The following RAB43 variants were observed in gnomAD, a reference collection of about 807,000 sequenced individuals.
RAB43 encodes the protein ras-related protein Rab-43.
A neutral mutation model predicts 18.8 loss-of-function variants in RAB43; 6 were observed. The ratio of observed to expected loss-of-function variants is 0.32; its 90% CI spans 0.17 to 0.63. The LOEUF is 0.63. Among genes scored for constraint, RAB43 ranks in the 30% least tolerant of loss-of-function variants. The pLI is 0.79. For missense variants in RAB43, 195 were observed against 289.1 expected (o/e 0.67, Z 2.36); for synonymous variants, 103 against 124.1 (o/e 0.83, Z 1.13).
Position 129,095,316 on chromosome 3 carries a change from AC to A in RAB43, c.205-148del, listed in dbSNP as rs1342271879. The A allele has an allele frequency of 8.4e-7, 1 of 1,193,196 alleles. No individual in the cohort carries two copies. Among genetic ancestry groups the A allele is most frequent in the East Asian group, 2.6e-5 (1 of 38,704 alleles). The allele number at this position is 1,193,196 out of a possible 1,614,324, so 73.9% of individuals were successfully genotyped here. A position where few individuals can be genotyped will look rare whatever the true frequency, so the allele number is the denominator to read the frequency against. ...CCTTAGAAAGCAACTCAATGGCTCA[AC>A]CTTGTTGGAAAAATGGGGAAGCAAA... On this transcript the variant is annotated intron_variant, in intron 1 of 2. Transcript: ENST00000315150. This position sits in a 1 kb window ranked among gnomAD's most constrained non-coding sequence, Gnocchi z 4.2.
In RAB43 at chr3:129,114,930, C is replaced by T. The variant is rs1328574048; in HGVS notation, c.204+6356G>A. Among the ~76,000 whole-genome samples the T allele has an allele frequency of 4.6e-5, 7 of 152,200 alleles. No individual in the cohort carries two copies. The East Asian group carries it at 7.7e-4, about 17-fold the overall frequency. ...ACAGGTCAATGAAGTGACTTGTTTA[C>T]GGTCAGCTGGGCAACTAGGCTGAGA... On this transcript the variant is annotated intron_variant, in intron 1 of 2. Coordinates refer to ENST00000315150, the MANE Select transcript of RAB43 (RefSeq NM_198490.3).
chr3:129,092,405 A>C, intron 2 of RAB43: 1 of 620,792 alleles, frequency 1.6e-6, no homozygotes, highest in Non-Finnish European at 2.9e-6. Flanking sequence ...TACAGATGAG[A>C]GGAGGTTGGA....
At chr3:129,114,657 C>T (rs887585885) in intron 1 of RAB43, among the ~76,000 whole-genome samples, 1 of 152,158 alleles carries the variant, frequency 6.6e-6, no homozygotes, top group African/African-American at 2.4e-5. Flanking sequence ...CCGAGCACTA[C>T]ACAAAGGCCA....
rs1053039595 is a variant in RAB43 at position 129,095,481 on chromosome 3, C to G, written c.205-312G>C. Among the ~76,000 whole-genome samples, 1 of 152,182 alleles carries G rather than the reference C, an allele frequency of 6.6e-6. No individual in the cohort carries two copies. The highest frequency in any genetic ancestry group is 2.4e-5 in the African/African-American group (1 of 41,440). On this transcript the variant is annotated intron_variant, in intron 1 of 2. Coordinates refer to ENST00000315150, the MANE Select transcript of RAB43 (RefSeq NM_198490.3). The surrounding 1 kb of genome is among the most constrained non-coding windows in gnomAD (Gnocchi z 4.2). The stretch of plus-strand genomic sequence containing the variant: ...CCCCTCAGGACTGGGCCCACTGCTG[C>G]GAAAACAGAACCACCAGTGCTCAAG...
At chr3:129,091,423 C>T in intron 2 of RAB43, 77 bp from the exon 3 acceptor site, 1 of 1,497,736 alleles carries the variant, frequency 6.7e-7, no homozygotes, top group Non-Finnish European at 9.0e-7. Context: ...GTCACGCTGA[C>T]AGCCCCATGC....
chr3:129,092,262 A>T (rs1933715750), intron 2 of RAB43, among the ~76,000 whole-genome samples: 5 of 152,188 alleles, frequency 3.3e-5, no homozygotes, highest in Admixed American at 3.3e-4. Flanking sequence ...AAATGTCAGT[A>T]TTTTTAGATG....
At chr3:129,112,298 A>C (rs1307079936) in intron 1 of RAB43, among the ~76,000 whole-genome samples, 11 of 152,154 alleles carry the variant, frequency 7.2e-5, no homozygotes. Context: ...AAAAACCCCC[A>C]AAATCAAAGT....
intron 1 of RAB43, among the ~76,000 whole-genome samples, chr3:129,111,214 T>C (rs191706500): frequency 6.6e-6 from 1 of 151,868 alleles, no homozygotes; most frequent in Non-Finnish European, 1.5e-5. Flanking sequence ...GAGCTTCTAG[T>C]AGAGCTTCAA....
At chr3:129,118,107 G>A (rs909757673) in intron 1 of RAB43, among the ~76,000 whole-genome samples, 20 of 152,318 alleles carry the variant, frequency 1.3e-4, no homozygotes, top group African/African-American at 4.8e-4. Flanking sequence ...AGTTACGTGG[G>A]GATCTAGAGG....
chr3:129,101,143 G>A (rs1934387551), intron 1 of RAB43, among the ~76,000 whole-genome samples: 1 of 152,210 alleles, frequency 6.6e-6, no homozygotes, highest in African/African-American at 2.4e-5. Flanking sequence ...TGCTGTCAGA[G>A]TCAAATGACC....
Position 129,121,804 on chromosome 3 carries a change from T to G in RAB43, c.-315A>C. 1 of 173,912 alleles carries G rather than the reference T, an allele frequency of 5.8e-6. No individual in the cohort carries two copies. The allele number at this position is 173,912 out of a possible 1,614,324, so 10.8% of individuals were successfully genotyped here. A position where few individuals can be genotyped will look rare whatever the true frequency, so the allele number is the denominator to read the frequency against. On this transcript the variant is annotated 5_prime_UTR_variant, in exon 1 of 3. Coordinates refer to ENST00000315150, the MANE Select transcript of RAB43 (RefSeq NM_198490.3). ...TCCTCAGCTCCGTGCCACACCAGTC[T>G]GGCCTGTAGGCCCGCCCCAGCCCGC...
At chr3:129,101,293 T>C (rs1192081943) in intron 1 of RAB43, among the ~76,000 whole-genome samples, 2 of 152,226 alleles carry the variant, frequency 1.3e-5, no homozygotes, top group East Asian at 1.9e-4. Context: ...AGAATACATA[T>C]AGTACCAAAA....
At chr3:129,100,289 A>T (rs146811351) in intron 1 of RAB43, among the ~76,000 whole-genome samples, 6 of 152,342 alleles carry the variant, frequency 3.9e-5, no homozygotes, top group African/African-American at 7.2e-5. Flanking sequence ...ATTTTCCCTC[A>T]TAAGACAGGG....
At chr3:129,098,449 G>GT (rs771723543) in intron 1 of RAB43, among the ~76,000 whole-genome samples, 6 of 152,200 alleles carry the variant, frequency 3.9e-5, no homozygotes, top group Non-Finnish European at 7.3e-5. Flanking sequence ...TCTAAAGAAG[G>GT]TAACAGAATC....
chr3:129,115,179 C>A (rs1295158206), intron 1 of RAB43, among the ~76,000 whole-genome samples: 1 of 152,174 alleles, frequency 6.6e-6, no homozygotes, highest in Admixed American at 6.5e-5. Flanking sequence ...TACCTGCCAT[C>A]AACTTTGCTC....
rs1166178642 is a variant in RAB43, at chr3:129,100,868, G to A, written c.205-5699C>T. Among the ~76,000 whole-genome samples, 5 of 152,252 alleles carry A rather than the reference G, an allele frequency of 3.3e-5. No homozygotes were observed. The East Asian group carries it at 7.7e-4, about 24-fold the overall frequency. On this transcript the variant is annotated intron_variant, in intron 1 of 2. Coordinates refer to ENST00000315150, the MANE Select transcript of RAB43 (RefSeq NM_198490.3). ...GTCGCCCAGGCTGGAGTGCAGTAGC[G>A]TGATCTCTGCTCACCGCAACCTCTG...
chr3:129,095,294 T>C lies in RAB43; in HGVS notation c.205-125A>G. The C allele has an allele frequency of 7.5e-7, 1 of 1,339,346 alleles. No homozygotes were observed. Among genetic ancestry groups the C allele is most frequent in the Non-Finnish European group, 1.0e-6 (1 of 1,000,936 alleles). 83.0% of individuals were successfully genotyped at this position (1,339,346 alleles called of 1,614,324 possible). A position where few individuals can be genotyped will look rare whatever the true frequency, so the allele number is the denominator to read the frequency against. On this transcript the variant is annotated intron_variant, in intron 1 of 2. Coordinates refer to ENST00000315150, the MANE Select transcript of RAB43 (RefSeq NM_198490.3). The surrounding 1 kb of genome is among the most constrained non-coding windows in gnomAD (Gnocchi z 4.2). Reference sequence around the variant, plus strand: ...TGGGCTAGGAGGCCTTCTGAGTCCTTAGAAAGCAACTCAATGGCTCAACCT... The same window carrying C: ...TGGGCTAGGAGGCCTTCTGAGTCCTCAGAAAGCAACTCAATGGCTCAACCT...
intron 1 of RAB43, among the ~76,000 whole-genome samples, chr3:129,096,363 GT>G (rs1230065058): frequency 6.6e-6 from 1 of 152,220 alleles, no homozygotes; most frequent in Non-Finnish European, 1.5e-5. Flanking sequence ...TTCCTGAGTT[GT>G]CCCATTTACT....
At chr3:129,096,269 G>A (rs1934046156) in intron 1 of RAB43, among the ~76,000 whole-genome samples, 2 of 152,248 alleles carry the variant, frequency 1.3e-5, no homozygotes, top group Admixed American at 1.3e-4. Context: ...TGGCACTGTG[G>A]AGGTGACCAC....
Sources: gnomAD v4.1 joint callset for allele counts (sites outside exome capture counted in the v4.1 genomes callset) on GRCh38, gnomAD v4.1.1 for gene constraint, Gnocchi (gnomAD v3.1) non-coding constraint, MANE v1.5 for transcripts, NCBI Gene and HGNC (gene_info 2026-07-23, HGNC 2026-07-21) for gene names.